The following TSC22D1 variants were observed in gnomAD, a reference collection of about 807,000 sequenced individuals.
TSC22D1 encodes the protein TSC22 domain family protein 1.
A neutral mutation model predicts 74.2 loss-of-function variants in TSC22D1; 9 were observed. The observed-to-expected ratio is 0.12, with a 90% confidence interval of 0.07 to 0.21. The LOEUF (loss-of-function observed/expected upper bound fraction) is 0.21, where lower values mean the gene tolerates loss of function less well. Ranked by LOEUF, TSC22D1 falls within the 10% of genes least tolerant of loss-of-function variation. TSC22D1 has a pLI of 1.00. For synonymous variants in TSC22D1, 586 were observed against 492.5 expected, an observed-to-expected ratio of 1.19 and a Z score of -2.51; for missense variants, 1,427 against 1,304.7, an observed-to-expected ratio of 1.09 and a Z score of -1.44.
At chr13:44,517,753 ATGTG>A (rs376768692) in intron 1 of TSC22D1, among the ~76,000 whole-genome samples, 2 of 49,306 alleles carry the variant, frequency 4.1e-5, no homozygotes, top group Admixed American at 2.2e-4. Flanking sequence ...ATACGTATAT[ATGTG>A]TGTGTGTATA....
chr13:44,437,216 G>A lies in TSC22D1; in HGVS notation c.2913-1121C>T, dbSNP rs1874781031. 23 of 985,416 alleles carry A rather than the reference G, an allele frequency of 2.3e-5. No individual in the cohort carries two copies. In the South Asian group the frequency reaches 9.9e-4, roughly 42 times the overall value. The allele number at this position is 985,416 out of a possible 1,614,324, so 61.0% of individuals were successfully genotyped here. On this transcript the variant is annotated intron_variant, in intron 1 of 2. Transcript: ENST00000458659. Reference sequence around the variant, plus strand: ...ACCCCGGTCCCCGGAGCTGTGTCCCGCGGCTGCTTAACGGCGAAAGCTTCC... The same window carrying A: ...ACCCCGGTCCCCGGAGCTGTGTCCCACGGCTGCTTAACGGCGAAAGCTTCC...
chr13:44,539,811 G>A, intron 1 of TSC22D1: 1 of 1,289,178 alleles, frequency 7.8e-7, no homozygotes, highest in Admixed American at 2.3e-5. Context: ...TGGATATTCT[G>A]TCTCCAAGGG....
Position 44,575,525 on chromosome 13 carries a change from C to T in TSC22D1, c.550G>A (p.Glu184Lys). 6.2e-7 allele frequency: 1 copy of T among 1,614,048 alleles called. No individual in the cohort carries two copies. The highest frequency in any genetic ancestry group is 8.5e-7 in the Non-Finnish European group (1 of 1,180,026). ...TTGGGAGAGACTGCCCCAGGTGTCT[C>T]GGCTTCCTGGAAGTTATTTAGGGTC... ...EETLNNFQEA[E>K]TPGAVSPNQP... The change falls in exon 1 of 3, where the codon GAG becomes AAG. Residue 184 changes from glutamate to lysine, a missense_variant. Transcript: ENST00000458659.
chr13:44,459,224 C>T (rs766693404), intron 1 of TSC22D1, among the ~76,000 whole-genome samples: 6 of 152,196 alleles, frequency 3.9e-5, no homozygotes, highest in Non-Finnish European at 7.3e-5. Context: ...CAGGAAGGAG[C>T]GACCCACTTG....
intron 1 of TSC22D1, among the ~76,000 whole-genome samples, chr13:44,473,891 A>G (rs1321857109): frequency 6.6e-6 from 1 of 152,232 alleles, no homozygotes; most frequent in East Asian, 1.9e-4. Context: ...GCTTCAACTG[A>G]GGAGTCCAAC....
At chr13:44,435,942 C>A (rs1452806347) in intron 2 of TSC22D1, 102 bp downstream of exon 2, 1 of 1,188,086 alleles carries the variant, frequency 8.4e-7, no homozygotes, top group South Asian at 1.3e-5. Flanking sequence ...GCATCAAGAG[C>A]AATCATCATC....
chr13:44,436,651 T>C (rs767256030), intron 1 of TSC22D1: 2 of 1,596,470 alleles, frequency 1.3e-6, no homozygotes, highest in African/African-American at 1.4e-5. Flanking sequence ...AAAAACACCC[T>C]CGTGGAAAAA....
chr13:44,507,602 A>C (rs1270678235), intron 1 of TSC22D1, among the ~76,000 whole-genome samples: 2 of 152,238 alleles, frequency 1.3e-5, no homozygotes, highest in Non-Finnish European at 2.9e-5. Context: ...AGATACTGAA[A>C]ATAGATGAAG....
chr13:44,464,992 C>T (rs1210103790), intron 1 of TSC22D1, among the ~76,000 whole-genome samples: 1 of 152,182 alleles, frequency 6.6e-6, no homozygotes, highest in East Asian at 1.9e-4. Flanking sequence ...CTGGTACCAA[C>T]TTTTTGTTTT....
intron 1 of TSC22D1, among the ~76,000 whole-genome samples, chr13:44,528,761 G>A (rs1595139320): frequency 6.6e-6 from 1 of 152,040 alleles, no homozygotes; most frequent in East Asian, 1.9e-4. Flanking sequence ...GGCCAGGCTA[G>A]CCAATAAAAG....
intron 1 of TSC22D1, among the ~76,000 whole-genome samples, chr13:44,504,137 G>GAAA (rs749880595): frequency 1.2e-5 from 1 of 80,436 alleles, no homozygotes; most frequent in Non-Finnish European, 2.6e-5. Flanking sequence ...ATGTACAAAT[G>GAAA]AAAAAAAAAA....
upstream of TSC22D1, chr13:44,577,217 A>C (rs1424733703): frequency 7.8e-6 from 1 of 128,634 alleles, no homozygotes; most frequent in African/African-American, 2.9e-5. Context: ...CGGGGGAGTG[A>C]GTGGGTGCCG....
intron 1 of TSC22D1, chr13:44,536,939 A>T (rs1407630102): frequency 7.2e-6 from 6 of 830,714 alleles, no homozygotes; most frequent in Non-Finnish European, 8.5e-6. Flanking sequence ...AAAAAAAAAA[A>T]AAAAAAAAAA....
intron 1 of TSC22D1, among the ~76,000 whole-genome samples, chr13:44,543,170 A>C (rs1342315997): frequency 6.6e-6 from 1 of 152,190 alleles, no homozygotes; most frequent in East Asian, 1.9e-4. Flanking sequence ...TTATATATAA[A>C]TACCACTGAG....
At chr13:44,437,349 G>T in intron 1 of TSC22D1, 1 of 748,110 alleles carries the variant, frequency 1.3e-6, no homozygotes, top group Non-Finnish European at 1.6e-6. Flanking sequence ...AGCGGTACTG[G>T]GAGGATTTTA....
At chr13:44,509,458 G>A (rs982766885) in intron 1 of TSC22D1, among the ~76,000 whole-genome samples, 3 of 152,180 alleles carry the variant, frequency 2.0e-5, no homozygotes, top group African/African-American at 7.2e-5. Flanking sequence ...GGTCAACATG[G>A]TGAAACCCCG....
intron 1 of TSC22D1, among the ~76,000 whole-genome samples, chr13:44,544,326 G>A (rs1362712810): frequency 2.0e-5 from 3 of 149,708 alleles, no homozygotes; most frequent in African/African-American, 7.4e-5. Flanking sequence ...CAAAAAGGGA[G>A]AGATCTTACC....
chr13:44,459,728 C>G (rs1876891107), intron 1 of TSC22D1, among the ~76,000 whole-genome samples: 1 of 152,220 alleles, frequency 6.6e-6, no homozygotes, highest in South Asian at 2.1e-4. Context: ...CGCCACTGCA[C>G]TCCCCGGTGC....
At chr13:44,508,753 T>C (rs994409464) in intron 1 of TSC22D1, among the ~76,000 whole-genome samples, 1 of 152,076 alleles carries the variant, frequency 6.6e-6, no homozygotes, top group Non-Finnish European at 1.5e-5. Context: ...CACTGTCCCC[T>C]TGCTCCCCAT....
Sources: allele counts gnomAD v4.1 joint callset (sites outside exome capture counted in the v4.1 genomes callset), GRCh38; gene constraint gnomAD v4.1.1; transcripts MANE v1.5; gene names NCBI Gene and HGNC (gene_info 2026-07-23, HGNC 2026-07-21).